LRP1B: variants seen among roughly 807,000 people sequenced by gnomAD.
The protein encoded by LRP1B is low-density lipoprotein receptor-related protein 1B.
LRP1B carries 217 observed loss-of-function variants against 556.6 expected under a neutral mutation model. The observed-to-expected ratio is 0.39, with a 90% CI of 0.35 to 0.44. The LOEUF (loss-of-function observed/expected upper bound fraction) is 0.44. Ranked by LOEUF, LRP1B falls within the 20% of genes least tolerant of loss-of-function variation. The probability of loss-of-function intolerance (pLI) is 1.00; values close to 1 mark genes in which losing one functional copy is unlikely to be tolerated. For missense variants in LRP1B, 5,053 were observed against 5,620.8 expected (o/e 0.90, Z 3.23); for synonymous variants, 2,047 against 1,865.8 (o/e 1.10, Z -2.50).
chr2:141,569,013 C>T (rs972579571), intron 2 of LRP1B, among the ~76,000 whole-genome samples: 1 of 150,850 alleles, frequency 6.6e-6, no homozygotes, highest in African/African-American at 2.4e-5. Context: ...GGTGATCTGC[C>T]TGCCTTAGCC....
intron 1 of LRP1B, among the ~76,000 whole-genome samples, chr2:141,820,724 G>T (rs1322624754): frequency 2.0e-5 from 3 of 152,162 alleles, no homozygotes; most frequent in African/African-American, 7.2e-5. Flanking sequence ...TTTAAGATTG[G>T]TGTACAATTC....
intron 7 of LRP1B, among the ~76,000 whole-genome samples, chr2:141,176,476 T>C (rs1558912701): frequency 6.6e-6 from 1 of 152,030 alleles, no homozygotes; most frequent in Non-Finnish European, 1.5e-5. Context: ...CTCACCACCA[T>C]GTGAAGAAGG....
At chr2:141,353,856 T>G (rs1027711889) in intron 3 of LRP1B, among the ~76,000 whole-genome samples, 1 of 151,990 alleles carries the variant, frequency 6.6e-6, no homozygotes, top group Non-Finnish European at 1.5e-5. Context: ...ATCCTAAACA[T>G]TGAGAATTCT....
At position 140,776,092 on chromosome 2, in the gene LRP1B, A is replaced by AC. The variant is rs1559112110; in HGVS notation, c.5500+5_5500+6insG. The AC allele has an allele frequency of 1.3e-6, 2 of 1,554,470 alleles. No individual in the cohort carries two copies. Among genetic ancestry groups the AC allele is most frequent in the Non-Finnish European group, 1.7e-6 (2 of 1,155,136 alleles). ...GACCTGGCACAAATTCATTAGTGTG[A>AC]TTTACCTTGCTGTGCTTCTTTATCA... On this transcript the variant is annotated splice_donor_region_variant and intron_variant, in intron 33 of 90. Transcript: ENST00000389484.
chr2:141,489,891 C>T (rs567099938), intron 2 of LRP1B, among the ~76,000 whole-genome samples: 3 of 152,196 alleles, frequency 2.0e-5, no homozygotes, highest in South Asian at 2.1e-4. Context: ...GATTCATATG[C>T]ACTCAATACT....
intron 1 of LRP1B, among the ~76,000 whole-genome samples, chr2:142,072,713 G>C (rs990909290): frequency 1.5e-4 from 23 of 151,958 alleles, no homozygotes; most frequent in African/African-American, 5.3e-4. Flanking sequence ...TGACTTAAAT[G>C]ATTACACTAT....
At chr2:141,016,777 T>A (rs1440154189) in intron 12 of LRP1B, among the ~76,000 whole-genome samples, 4 of 152,086 alleles carry the variant, frequency 2.6e-5, no homozygotes, top group Admixed American at 6.6e-5. Context: ...GTAGGTTTAA[T>A]CCAGTCATCT....
chr2:141,822,126 C>CAGAG (rs1308046198), intron 1 of LRP1B, among the ~76,000 whole-genome samples: 4 of 114,426 alleles, frequency 3.5e-5, no homozygotes, highest in East Asian at 5.0e-4. Context: ...CACACACACA[C>CAGAG]ACACAGAGAG....
chr2:141,292,490 T>C (rs1304834909), intron 3 of LRP1B, among the ~76,000 whole-genome samples: 1 of 151,760 alleles, frequency 6.6e-6, no homozygotes, highest in Non-Finnish European at 1.5e-5. Flanking sequence ...AAAAACAGAA[T>C]AGAAAAGCAA....
intron 6 of LRP1B, among the ~76,000 whole-genome samples, chr2:141,218,937 A>T (rs1372510124): frequency 6.6e-6 from 1 of 152,190 alleles, no homozygotes; most frequent in Non-Finnish European, 1.5e-5. Context: ...TGACCCACAC[A>T]GAGTGAGGAA....
intron 1 of LRP1B, among the ~76,000 whole-genome samples, chr2:141,996,111 G>T (rs1004538867): frequency 1.3e-5 from 2 of 151,808 alleles, no homozygotes; most frequent in Admixed American, 1.3e-4. Context: ...AATTAGCTTG[G>T]CATGGTGGCG....
intron 3 of LRP1B, among the ~76,000 whole-genome samples, chr2:141,334,623 C>T (rs954526406): frequency 6.6e-6 from 1 of 152,226 alleles, no homozygotes; most frequent in African/African-American, 2.4e-5. Context: ...ACCATCTTGG[C>T]TCACTGCAAC....
intron 2 of LRP1B, among the ~76,000 whole-genome samples, chr2:141,508,207 C>T (rs1441698433): frequency 6.6e-6 from 1 of 152,068 alleles, no homozygotes; most frequent in African/African-American, 2.4e-5. Flanking sequence ...TTCTTTCCTC[C>T]TTTTGCAAGT....
intron 66 of LRP1B, among the ~76,000 whole-genome samples, chr2:140,419,800 G>A (rs1353514025): frequency 6.6e-6 from 1 of 152,120 alleles, no homozygotes; most frequent in Non-Finnish European, 1.5e-5. Flanking sequence ...TTGAGGTCAG[G>A]AGTTCAAGAC....
intron 3 of LRP1B, among the ~76,000 whole-genome samples, chr2:141,434,270 T>G (rs1680674274): frequency 6.6e-6 from 1 of 152,184 alleles, no homozygotes; most frequent in Non-Finnish European, 1.5e-5. Context: ...TGGGGCCTTA[T>G]TCATTTTAAC....
chr2:140,297,993 A>G (rs2105001430), intron 83 of LRP1B, 24 bp from the exon 84 acceptor site: 1 of 1,557,952 alleles, frequency 6.4e-7, no homozygotes, highest in South Asian at 1.2e-5. Flanking sequence ...TAAGTAATAA[A>G]AAGCAAATTA....
Position 140,258,514 on chromosome 2 carries a change from C to CTT in LRP1B, c.13248-11354_13248-11353dup, listed in dbSNP as rs1467097355. Among the ~76,000 whole-genome samples, 11 of 152,194 alleles carry CTT rather than the reference C, an allele frequency of 7.2e-5. No homozygotes were observed. The South Asian group carries it at 2.3e-3, about 32-fold the overall frequency. ...TTTACCTAATTTTCAATAACAAGCA[C>CTT]TTTTTAAAAATACTCTTTTTTATTG... On this transcript the variant is annotated intron_variant, in intron 86 of 90. Coordinates refer to ENST00000389484, the MANE Select transcript of LRP1B (RefSeq NM_018557.3).
intron 2 of LRP1B, among the ~76,000 whole-genome samples, chr2:141,622,466 C>T (rs1688537615): frequency 6.6e-6 from 1 of 152,136 alleles, no homozygotes; most frequent in South Asian, 2.1e-4. Context: ...AGAACTTGCA[C>T]ATCAGCAGGT....
At chr2:141,978,963 T>G (rs1701967761) in intron 1 of LRP1B, among the ~76,000 whole-genome samples, 1 of 152,028 alleles carries the variant, frequency 6.6e-6, no homozygotes, top group Non-Finnish European at 1.5e-5. Flanking sequence ...ACTGACCATC[T>G]TATGACTTAA....
Sources: allele counts gnomAD v4.1 joint callset (sites outside exome capture counted in the v4.1 genomes callset), GRCh38; gene constraint gnomAD v4.1.1; transcripts MANE v1.5; gene names NCBI Gene and HGNC (gene_info 2026-07-23, HGNC 2026-07-21).